Variants in CXCR2 observed in about 807,000 individuals in gnomAD.
CXCR2 encodes the protein C-X-C chemokine receptor type 2.
CXCR2 carries 2 observed loss-of-function variants against 3.7 expected under a neutral mutation model. The observed-to-expected ratio is 0.55, with a 90% CI of 0.22 to 1.72. The LOEUF (loss-of-function observed/expected upper bound fraction) is 1.72. CXCR2 is among the 40% of genes most tolerant of loss of function. The pLI, the probability that CXCR2 is intolerant of heterozygous loss-of-function variation, is 0.19. For synonymous variants in CXCR2, 203 were observed against 193.3 expected (o/e 1.05, Z -0.41); for missense variants, 351 against 450.1 (o/e 0.78, Z 1.99).
At position 218,135,851 on chromosome 2, in the gene CXCR2, C is replaced by A. The variant is rs1163393927; in HGVS notation, c.1050C>A (p.Gly350=). Residue 350 remains glycine, a synonymous_variant, in exon 3 of 3, where the codon GGC becomes GGA. Coordinates refer to ENST00000318507, the MANE Select transcript of CXCR2 (RefSeq NM_001557.4). This position sits in a 1 kb window ranked among gnomAD's most constrained non-coding sequence, Gnocchi z 4.0. ...AAGACAGCAGGCCTTCCTTTGTTGG[C>A]TCTTCTTCAGGGCACACTTCCACTA... is the stretch of plus-strand genomic sequence containing the variant. ...LPKDSRPSFV[G]SSSGHTSTTL The A allele has an allele frequency of 1.2e-6, 2 of 1,613,260 alleles. No individual in the cohort carries two copies. The highest frequency in any genetic ancestry group is 1.7e-6 in the Non-Finnish European group (2 of 1,179,466).
rs1444708649 is a variant in CXCR2, at chr2:218,135,594, C to A, written c.793C>A (p.Leu265Met). Residue 265 changes from leucine to methionine, a missense_variant, in exon 3 of 3, where the codon CTG (leucine) becomes ATG (methionine). Coordinates refer to ENST00000318507, the MANE Select transcript of CXCR2 (RefSeq NM_001557.4). This position sits in a 1 kb window ranked among gnomAD's most constrained non-coding sequence, Gnocchi z 4.0. ...CGTCCTCATCTTCCTGCTCTGCTGG[C>A]TGCCCTACAACCTGGTCCTGCTGGC... The part of the protein sequence containing the change: ...AVVLIFLLCW[L>M]PYNLVLLADT... 8 of 1,614,166 alleles carry A rather than the reference C, an allele frequency of 5.0e-6. No individual in the cohort carries two copies. Among genetic ancestry groups the A allele is most frequent in the Non-Finnish European group, 6.8e-6 (8 of 1,180,034 alleles).
rs199777583 is a variant in CXCR2, at chr2:218,135,360, G to A, written c.559G>A (p.Val187Ile). Residue 187 changes from valine to isoleucine, a missense_variant, in exon 3 of 3, where the codon GTC becomes ATC. Physicochemically the swap from Val to Ile is conservative, Grantham distance 29 (BLOSUM62 3). Transcript: ENST00000318507. The surrounding 1 kb of genome is among the most constrained non-coding windows in gnomAD (Gnocchi z 4.0). ...GCCTGTCTTACTTTTCCGAAGGACC[G>A]TCTACTCATCCAATGTTAGCCCAGC... The part of the protein sequence containing the change: ...ALPVLLFRRT[V>I]YSSNVSPACY... The A allele has an allele frequency of 3.5e-5, 57 of 1,614,012 alleles. No homozygotes were observed. The highest frequency in any genetic ancestry group is 6.7e-5 in the East Asian group (3 of 44,892).
At chr2:218,125,427 T>C (rs1690485802), upstream of CXCR2, 1 of 152,242 alleles carries the variant, frequency 6.6e-6, no homozygotes, top group African/African-American at 2.4e-5. Context: ...CTGTGGATTC[T>C]TTCAGCTTTC....
In CXCR2 at chr2:218,136,141, TCTATG is replaced by T; in HGVS notation, c.*258_*262del. Reference sequence around the variant, plus strand: ...CATCCTGCCCCTGAGCCCATGGCACTCTATGTTCTAAGAAGTGAAAATCTACACTC... The same window carrying T: ...CATCCTGCCCCTGAGCCCATGGCACTTTCTAAGAAGTGAAAATCTACACTC... On this transcript the variant is annotated 3_prime_UTR_variant, in exon 3 of 3. Transcript: ENST00000318507. The T allele has an allele frequency of 1.2e-4, 54 of 446,392 alleles. No homozygotes were observed. The highest frequency in any genetic ancestry group is 7.1e-4 in the South Asian group (15 of 21,008). The allele number at this position is 446,392 out of a possible 1,614,324, so 27.7% of individuals were successfully genotyped here. A position where few individuals can be genotyped will look rare whatever the true frequency, so the allele number is the denominator to read the frequency against.
At chr2:218,132,651 A>C (rs1470907055) in intron 2 of CXCR2, among the ~76,000 whole-genome samples, 1 of 152,328 alleles carries the variant, frequency 6.6e-6, no homozygotes, top group East Asian at 1.9e-4. Flanking sequence ...ATTATAACAC[A>C]ATGGTATTCT....
chr2:218,131,649 T>C (rs779047734), intron 2 of CXCR2, among the ~76,000 whole-genome samples: 7 of 151,848 alleles, frequency 4.6e-5, no homozygotes, highest in Admixed American at 2.0e-4. Context: ...TTTTGTATTT[T>C]TAGTAGAGAC....
In CXCR2 at chr2:218,136,269, C is replaced by A. The variant is rs200358732; in HGVS notation, c.*385C>A. 6.6e-3 allele frequency: 1,025 copies of A among 154,616 alleles called. No homozygotes were observed. Among genetic ancestry groups the A allele is most frequent in the South Asian group, 6.7e-4 (3 of 4,508 alleles). The allele number at this position is 154,616 out of a possible 1,614,324, so 9.6% of individuals were successfully genotyped here. A position where few individuals can be genotyped will look rare whatever the true frequency, so the allele number is the denominator to read the frequency against. On this transcript the variant is annotated 3_prime_UTR_variant, in exon 3 of 3. Coordinates refer to ENST00000318507, the MANE Select transcript of CXCR2 (RefSeq NM_001557.4). ...TGAAACCCTGTCTCTACTAAAAATACAAAAAAAAAAAAAAATTAGCCGGGC... is the reference window on the plus strand; with the variant it reads ...TGAAACCCTGTCTCTACTAAAAATAAAAAAAAAAAAAAAAATTAGCCGGGC...
intron 1 of CXCR2, among the ~76,000 whole-genome samples, chr2:218,129,053 G>A (rs956451806): frequency 2.7e-4 from 41 of 152,186 alleles, no homozygotes; most frequent in African/African-American, 7.7e-4. Context: ...TGCAATCCTG[G>A]GCAAGCCATT....
chr2:218,131,470 C>CTTTTTTT (rs34409642), intron 2 of CXCR2, among the ~76,000 whole-genome samples: 2 of 134,156 alleles, frequency 1.5e-5, no homozygotes, highest in African/African-American at 5.7e-5. Flanking sequence ...ACAATGTTAA[C>CTTTTTTT]TTTTTTTTTT....
At position 218,135,836 on chromosome 2, in the gene CXCR2, G is replaced by A. The variant is rs989505635; in HGVS notation, c.1035G>A (p.Arg345=). 5 of 1,613,686 alleles carry A rather than the reference G, an allele frequency of 3.1e-6. No individual in the cohort carries two copies. The highest frequency in any genetic ancestry group is 3.3e-5 in the Admixed American group (2 of 59,980). Reference sequence around the variant, plus strand: ...AGGACTCCCTGCCCAAAGACAGCAGGCCTTCCTTTGTTGGCTCTTCTTCAG... The same window carrying A: ...AGGACTCCCTGCCCAAAGACAGCAGACCTTCCTTTGTTGGCTCTTCTTCAG... ...ISKDSLPKDS[R]PSFVGSSSGH... Residue 345 remains arginine (R), a synonymous_variant, in exon 3 of 3, where the codon AGG becomes AGA. Coordinates refer to ENST00000318507, the MANE Select transcript of CXCR2 (RefSeq NM_001557.4). This position sits in a 1 kb window ranked among gnomAD's most constrained non-coding sequence, Gnocchi z 4.0.
intron 2 of CXCR2, among the ~76,000 whole-genome samples, chr2:218,130,288 C>T (rs551869147): frequency 1.1e-3 from 175 of 152,176 alleles, no homozygotes; most frequent in African/African-American, 3.7e-3. Context: ...GGTGCAGTGG[C>T]AGGCGCCTGT....
chr2:218,125,482 T>C (rs919231572), upstream of CXCR2: 5 of 151,994 alleles, frequency 3.3e-5, no homozygotes, highest in African/African-American at 7.2e-5. Context: ...AAAATTATAG[T>C]GTGAATCTCT....
At chr2:218,128,796 G>A (rs1045485326) in intron 1 of CXCR2, among the ~76,000 whole-genome samples, 2 of 152,178 alleles carry the variant, frequency 1.3e-5, no homozygotes, top group African/African-American at 2.4e-5. Context: ...AAGACAAGAG[G>A]CAGGAGTGGG....
chr2:218,135,550 T>C lies in CXCR2; in HGVS notation c.749T>C (p.Met250Thr), dbSNP rs1402432086. The C allele has an allele frequency of 4.3e-6, 7 of 1,614,214 alleles. No individual in the cohort carries two copies. Among genetic ancestry groups the C allele is most frequent in the Non-Finnish European group, 5.9e-6 (7 of 1,180,044 alleles). Residue 250 changes from methionine to threonine, a missense_variant, in exon 3 of 3, where the codon ATG (methionine) becomes ACG (threonine). Transcript: ENST00000318507. This position sits in a 1 kb window ranked among gnomAD's most constrained non-coding sequence, Gnocchi z 4.0. ...CACATGGGGCAGAAGCACCGGGCCA[T>C]GCGGGTCATCTTTGCTGTCGTCCTC... is the stretch of plus-strand genomic sequence containing the variant. ...KAHMGQKHRAMRVIFAVVLIF... is the reference protein window; with the variant it reads ...KAHMGQKHRATRVIFAVVLIF...
Position 218,135,232 on chromosome 2 carries a change from G to A in CXCR2, c.431G>A (p.Arg144His), listed in dbSNP as rs759555888. Reference sequence around the variant, plus strand: ...CTACTGGCCTGCATCAGTGTGGACCGTTACCTGGCCATTGTCCATGCCACA... The same window carrying A: ...CTACTGGCCTGCATCAGTGTGGACCATTACCTGGCCATTGTCCATGCCACA... ...ILLLACISVD[R>H]YLAIVHATRT... Residue 144 changes from arginine to histidine, a missense_variant, in exon 3 of 3, where the codon CGT becomes CAT. Transcript: ENST00000318507. The surrounding 1 kb of genome is among the most constrained non-coding windows in gnomAD (Gnocchi z 4.0). The A allele has an allele frequency of 1.2e-5, 20 of 1,614,154 alleles. No individual in the cohort carries two copies. Among genetic ancestry groups the A allele is most frequent in the South Asian group, 1.1e-4 (10 of 91,084 alleles).
At position 218,135,985 on chromosome 2, in the gene CXCR2, GCAGCC is replaced by G; in HGVS notation, c.*103_*107del. 2.1e-6 allele frequency: 3 copies of G among 1,447,738 alleles called. No homozygotes were observed. The South Asian group carries it at 4.2e-5, about 20-fold the overall frequency. 89.7% of individuals were successfully genotyped at this position (1,447,738 alleles called of 1,614,324 possible). A position where few individuals can be genotyped will look rare whatever the true frequency, so the allele number is the denominator to read the frequency against. ...GGTTCTTCTTGGTCTCAGTGTCAAT[GCAGCC>G]CCCATTGTGGTCACAGGAAGTAGAG... On this transcript the variant is annotated 3_prime_UTR_variant, in exon 3 of 3. Transcript: ENST00000318507. This position sits in a 1 kb window ranked among gnomAD's most constrained non-coding sequence, Gnocchi z 4.0.
rs777980366 is a variant in CXCR2, at chr2:218,135,213, G to T, written c.412G>T (p.Ala138Ser). 1.9e-6 allele frequency: 3 copies of T among 1,614,058 alleles called. No individual in the cohort carries two copies. The highest frequency in any genetic ancestry group is 8.5e-7 in the Non-Finnish European group (1 of 1,180,040). The change falls in exon 3 of 3, where the codon GCC becomes TCC. Residue 138 changes from alanine to serine, a missense_variant. Ala to Ser is a moderately conservative substitution (Grantham distance 99). Transcript: ENST00000318507. This position sits in a 1 kb window ranked among gnomAD's most constrained non-coding sequence, Gnocchi z 4.0. The part of the protein sequence containing the change: ...VNFYSGILLL[A>S]CISVDRYLAI... Reference sequence around the variant, plus strand: ...CTTCTATAGTGGCATCCTGCTACTGGCCTGCATCAGTGTGGACCGTTACCT... The same window carrying T: ...CTTCTATAGTGGCATCCTGCTACTGTCCTGCATCAGTGTGGACCGTTACCT...
intron 2 of CXCR2, among the ~76,000 whole-genome samples, chr2:218,130,140 G>C (rs1690606487): frequency 6.6e-6 from 1 of 152,194 alleles, no homozygotes; most frequent in Non-Finnish European, 1.5e-5. Flanking sequence ...ACTTAGCTTT[G>C]CTGGGCACGG....
intron 2 of CXCR2, among the ~76,000 whole-genome samples, chr2:218,131,282 C>T (rs1274853751): frequency 6.6e-6 from 1 of 152,174 alleles, no homozygotes; most frequent in Admixed American, 6.5e-5. Flanking sequence ...CCCTGGGCCT[C>T]TCAGCAAACT....
Sources: allele counts gnomAD v4.1 joint callset (sites outside exome capture counted in the v4.1 genomes callset), GRCh38; gene constraint gnomAD v4.1.1; non-coding constraint Gnocchi (gnomAD v3.1); transcripts MANE v1.5; gene names NCBI Gene and HGNC (gene_info 2026-07-23, HGNC 2026-07-21).